The following SEC24D variants were observed in gnomAD, a reference collection of about 807,000 sequenced individuals.
SEC24D encodes the protein protein transport protein Sec24D.
Under a neutral mutation model 116.9 loss-of-function variants are expected in SEC24D, and 69 were observed. That is an observed-to-expected ratio of 0.59 (90% CI 0.49 to 0.72). The LOEUF is 0.72. Ranked by LOEUF, SEC24D falls within the 30% of genes least tolerant of loss-of-function variation. SEC24D has a pLI of 0.00. For synonymous variants in SEC24D, 405 were observed against 442.8 expected (o/e 0.91, Z 1.07); for missense variants, 1,131 against 1,264.1 (o/e 0.89, Z 1.60).
intron 2 of SEC24D, among the ~76,000 whole-genome samples, chr4:118,827,183 A>G (rs1730624706): frequency 4.6e-5 from 7 of 152,158 alleles, no homozygotes; most frequent in Admixed American, 3.9e-4. Context: ...TGGGAGGGAA[A>G]GTAGCCAGAG....
At chr4:118,735,628 A>G (rs1725918816) in intron 19 of SEC24D, 1 of 151,840 alleles carries the variant, frequency 6.6e-6, no homozygotes, top group Admixed American at 6.6e-5. Context: ...GAACAGTGAG[A>G]TATTAGATTT....
chr4:118,810,072 A>G (rs1729838278), intron 6 of SEC24D, among the ~76,000 whole-genome samples: 2 of 44,396 alleles, frequency 4.5e-5, no homozygotes, highest in African/African-American at 1.9e-4. Flanking sequence ...GGTCAGAGGT[A>G]GCTGTGTGTG....
Position 118,815,599 on chromosome 4 carries a change from G to T in SEC24D, c.525C>A (p.Pro175=). ...AGGCACCAGGACCATTGAGTGTGGT[G>T]GGTGGTGGTGGAAGAACTTGAGATC... ...QPGSQVLPPP[P]TTLNGPGASP... is the part of the protein sequence containing the mutation. Residue 175 remains proline (P), a synonymous_variant, in exon 5 of 23, where the codon CCC becomes CCA. Coordinates refer to ENST00000280551, the MANE Select transcript of SEC24D (RefSeq NM_014822.4). 1 of 1,614,190 alleles carries T rather than the reference G, an allele frequency of 6.2e-7. No individual in the cohort carries two copies. The highest frequency in any genetic ancestry group is 8.5e-7 in the Non-Finnish European group (1 of 1,180,046).
At chr4:118,789,890 G>C (rs937625588) in intron 8 of SEC24D, among the ~76,000 whole-genome samples, 9 of 152,150 alleles carry the variant, frequency 5.9e-5, no homozygotes, top group Admixed American at 3.9e-4. Flanking sequence ...TGCCTCAACA[G>C]CATTTATTAA....
At chr4:118,822,581 T>C (rs1173329005) in intron 3 of SEC24D, among the ~76,000 whole-genome samples, 1 of 152,186 alleles carries the variant, frequency 6.6e-6, no homozygotes, top group Non-Finnish European at 1.5e-5. Context: ...CAACAATTTT[T>C]TTTGCCTTGA....
Position 118,744,124 on chromosome 4 carries a change from G to A in SEC24D, c.1859C>T (p.Ser620Leu), listed in dbSNP as rs758233821. The A allele has an allele frequency of 8.1e-6, 13 of 1,610,878 alleles. No individual in the cohort carries two copies. Among genetic ancestry groups the A allele is most frequent in the Non-Finnish European group, 1.0e-5 (12 of 1,178,622 alleles). The change falls in exon 15 of 23, where the codon TCA becomes TTA. Residue 620 changes from serine to leucine, a missense_variant. Transcript: ENST00000280551. ...LFQPQTNVYDSLAKDCVAHGC... is the reference protein window; with the variant it reads ...LFQPQTNVYDLLAKDCVAHGC... ...GTGAGCCACGCAGTCCTTGGCCAAT[G>A]AGTCATAGACATTTGTTTGGGGCTG...
At chr4:118,801,169 G>A (rs1729424387) in intron 7 of SEC24D, among the ~76,000 whole-genome samples, 1 of 151,982 alleles carries the variant, frequency 6.6e-6, no homozygotes, top group African/African-American at 2.4e-5. Flanking sequence ...GGCTGAGGCA[G>A]GAGAATGGCG....
chr4:118,763,628 G>A (rs962152613), intron 10 of SEC24D, among the ~76,000 whole-genome samples: 1 of 152,192 alleles, frequency 6.6e-6, no homozygotes, highest in African/African-American at 2.4e-5. Context: ...TCAAATCAGT[G>A]AAGAATTTTA....
At chr4:118,797,078 GT>G (rs1285201902) in intron 8 of SEC24D, among the ~76,000 whole-genome samples, 1 of 152,194 alleles carries the variant, frequency 6.6e-6, no homozygotes, top group Non-Finnish European at 1.5e-5. Context: ...TTGGAATTGG[GT>G]TGTTCCTGGA....
intron 19 of SEC24D, 197 bp downstream of exon 19, chr4:118,738,064 T>G (rs904544179): frequency 1.6e-5 from 8 of 496,300 alleles, no homozygotes; most frequent in African/African-American, 1.2e-4. Flanking sequence ...CCATTTTTTT[T>G]GTTCACATTT....
chr4:118,818,404 T>A (rs907137932), intron 3 of SEC24D, among the ~76,000 whole-genome samples: 2 of 152,234 alleles, frequency 1.3e-5, no homozygotes, highest in Non-Finnish European at 1.5e-5. Flanking sequence ...ACAATTTATT[T>A]GTGACAACAC....
intron 6 of SEC24D, 54 bp downstream of exon 6, chr4:118,814,974 G>A: frequency 6.3e-7 from 1 of 1,587,390 alleles, no homozygotes; most frequent in Non-Finnish European, 8.6e-7. Context: ...GAGTTGCTGA[G>A]AAAAATTAAT....
chr4:118,735,515 TG>T (rs1354849190), intron 19 of SEC24D, among the ~76,000 whole-genome samples: 1 of 152,162 alleles, frequency 6.6e-6, no homozygotes, highest in Non-Finnish European at 1.5e-5. Context: ...AGGTTTTTTT[TG>T]TTTTTCTTTT....
chr4:118,779,022 T>C (rs1014023558), intron 8 of SEC24D, among the ~76,000 whole-genome samples: 7 of 152,244 alleles, frequency 4.6e-5, no homozygotes, highest in Non-Finnish European at 7.3e-5. Context: ...TAGAGTTTTC[T>C]AAATATACAA....
Position 118,774,233 on chromosome 4 carries a change from T to C in SEC24D, c.1042-5922A>G, listed in dbSNP as rs533673010. ...ATACTATCAGAGAGTCTATTTGTTC[T>C]GTCTTAATTATATCTACAGCTTGTA... is the stretch of plus-strand genomic sequence containing the variant. On this transcript the variant is annotated intron_variant, in intron 8 of 22. Coordinates refer to ENST00000280551, the MANE Select transcript of SEC24D (RefSeq NM_014822.4). Among the ~76,000 whole-genome samples the C allele has an allele frequency of 3.3e-5, 5 of 152,260 alleles. No homozygotes were observed. The East Asian group carries it at 9.6e-4, about 29-fold the overall frequency.
At chr4:118,740,231 C>A (rs1055079271) in intron 17 of SEC24D, among the ~76,000 whole-genome samples, 1 of 152,130 alleles carries the variant, frequency 6.6e-6, no homozygotes, top group Admixed American at 6.5e-5. Context: ...CCCTCAGAAA[C>A]CTTGATCTTG....
chr4:118,729,673 C>A (rs535532045), intron 21 of SEC24D: 1 of 152,328 alleles, frequency 6.6e-6, no homozygotes, highest in African/African-American at 2.4e-5. Context: ...TTTTGACTTA[C>A]ATTTCTTCCG....
chr4:118,748,021 T>A (rs1318466340), intron 13 of SEC24D, among the ~76,000 whole-genome samples: 1 of 152,130 alleles, frequency 6.6e-6, no homozygotes, highest in Admixed American at 6.5e-5. Context: ...ATCCCAGCAC[T>A]TTGGGAGGCC....
At chr4:118,833,848 G>C in intron 1 of SEC24D, 111 bp from the exon 2 acceptor site, 1 of 579,720 alleles carries the variant, frequency 1.7e-6, no homozygotes, top group East Asian at 3.0e-5. Context: ...GAAAAGTACA[G>C]ATATCAGGTA....
Sources: allele counts gnomAD v4.1 joint callset (sites outside exome capture counted in the v4.1 genomes callset), GRCh38; gene constraint gnomAD v4.1.1; transcripts MANE v1.5; gene names NCBI Gene and HGNC (gene_info 2026-07-23, HGNC 2026-07-21).